Variants in CEP350 observed in about 807,000 individuals in gnomAD.
The protein encoded by CEP350 is centrosomal protein 350, also known as centrosome-associated protein 350.
CEP350 carries 126 observed loss-of-function variants against 331.8 expected under a neutral mutation model. The ratio of observed to expected loss-of-function variants is 0.38; its 90% CI spans 0.33 to 0.44. The LOEUF is 0.44. Among genes scored for constraint, CEP350 ranks in the 20% least tolerant of loss-of-function variants. CEP350 has a pLI of 1.00. For synonymous variants in CEP350, 1,200 were observed against 1,259.5 expected (o/e 0.95, Z 1.00); for missense variants, 3,406 against 3,634.6 (o/e 0.94, Z 1.62).
intron 8 of CEP350, among the ~76,000 whole-genome samples, chr1:180,010,633 A>G (rs896630862): frequency 2.0e-5 from 3 of 147,388 alleles, no homozygotes; most frequent in African/African-American, 7.5e-5. Flanking sequence ...ACAGGATCTC[A>G]CTCAGTGTCC....
At chr1:180,075,326 C>T in intron 28 of CEP350, 105 bp downstream of exon 28, 2 of 1,173,058 alleles carry the variant, frequency 1.7e-6, no homozygotes, top group South Asian at 3.3e-5. Flanking sequence ...GTGGCTCACG[C>T]CTGTAATCCT....
chr1:179,971,497 A>T (rs887693678), intron 1 of CEP350, among the ~76,000 whole-genome samples: 18 of 151,042 alleles, frequency 1.2e-4, no homozygotes, highest in South Asian at 8.4e-4. Context: ...CTAATTAAAA[A>T]TTTTTTTTTG....
At position 180,087,574 on chromosome 1, in the gene CEP350, T is replaced by G. The variant is rs372689727; in HGVS notation, c.6286-4T>G. 6 of 1,538,754 alleles carry G rather than the reference T, an allele frequency of 3.9e-6. No individual in the cohort carries two copies. The African/African-American group carries it at 8.3e-5, about 21-fold the overall frequency. ...AGTGACTCCTCTGGTTTTTCTAAACTTAGTCATATGATGAATTTATTAAGA... is the reference window on the plus strand; with the variant it reads ...AGTGACTCCTCTGGTTTTTCTAAACGTAGTCATATGATGAATTTATTAAGA... On this transcript the variant is annotated splice_polypyrimidine_tract_variant and splice_region_variant and intron_variant, in intron 31 of 37. Transcript: ENST00000367607.
chr1:180,038,466 G>A (rs1656521906), intron 17 of CEP350, among the ~76,000 whole-genome samples: 1 of 152,178 alleles, frequency 6.6e-6, no homozygotes, highest in Non-Finnish European at 1.5e-5. Context: ...CTGCCATACA[G>A]TTTTCCAGAA....
chr1:179,998,652 T>G (rs888276621), intron 6 of CEP350, among the ~76,000 whole-genome samples: 1 of 152,196 alleles, frequency 6.6e-6, no homozygotes, highest in South Asian at 2.1e-4. Context: ...GGGCACTTTT[T>G]TATTGTAATC....
At chr1:180,011,490 A>G (rs1217386647) in intron 8 of CEP350, among the ~76,000 whole-genome samples, 1 of 152,056 alleles carries the variant, frequency 6.6e-6, no homozygotes, top group Non-Finnish European at 1.5e-5. Flanking sequence ...ACCAGGCTGG[A>G]GTGCAGTGGG....
At chr1:180,013,375 T>G (rs1654777152) in intron 9 of CEP350, among the ~76,000 whole-genome samples, 1 of 152,218 alleles carries the variant, frequency 6.6e-6, no homozygotes, top group Admixed American at 6.5e-5. Context: ...ATATGCAGTC[T>G]GGTCTTTGCA....
rs763159691 is a variant in CEP350, at chr1:180,022,768, T to C, written c.3306T>C (p.Ser1102=). 3 of 1,609,454 alleles carry C rather than the reference T, an allele frequency of 1.9e-6. No individual in the cohort carries two copies. The highest frequency in any genetic ancestry group is 2.5e-6 in the Non-Finnish European group (3 of 1,177,624). Residue 1102 remains serine (S), a synonymous_variant, in exon 13 of 38, where the codon AGT becomes AGC. Coordinates refer to ENST00000367607, the MANE Select transcript of CEP350 (RefSeq NM_014810.5). ...TGAATGCCACCGCAACTCCTCTAAG[T>C]GGTGTTTCATATGAAGATGATTTTG... ...RPLNATATPL[S]GVSYEDDFVS...
intron 9 of CEP350, among the ~76,000 whole-genome samples, chr1:180,013,169 A>G (rs890621041): frequency 6.6e-6 from 1 of 152,226 alleles, no homozygotes; most frequent in African/African-American, 2.4e-5. Flanking sequence ...TTTGTTATAC[A>G]GATGTTTAAA....
At chr1:180,015,994 G>A (rs1455764757) in intron 11 of CEP350, 24 bp downstream of exon 11, 1 of 1,609,514 alleles carries the variant, frequency 6.2e-7, no homozygotes, top group African/African-American at 1.3e-5. Flanking sequence ...AATGAAAGAT[G>A]ATTAAGATTC....
Position 180,020,817 on chromosome 1 carries a change from A to G in CEP350, c.3043A>G (p.Lys1015Glu). The change falls in exon 12 of 38, where the codon AAG becomes GAG. Residue 1015 changes from lysine to glutamate, a missense_variant. Around this residue, in one of 5 missense-constraint regions of CEP350, gnomAD observed 1,857 missense variants for 1,909.2 expected, o/e 0.97. Transcript: ENST00000367607. ...LLKVAEILKE[K>E]EFCPGERNSY... is the part of the protein sequence containing the mutation. Reference sequence around the variant, plus strand: ...GAAAGTAGCAGAAATTTTAAAAGAAAAGGAATTTTGTCCTGGAGAAAGAAA... The same window carrying G: ...GAAAGTAGCAGAAATTTTAAAAGAAGAGGAATTTTGTCCTGGAGAAAGAAA... 1.2e-6 allele frequency: 2 copies of G among 1,613,168 alleles called. No homozygotes were observed. Among genetic ancestry groups the G allele is most frequent in the Non-Finnish European group, 1.7e-6 (2 of 1,179,720 alleles).
At chr1:180,086,540 C>CATATATATAT (rs35457934) in intron 31 of CEP350, among the ~76,000 whole-genome samples, 5 of 149,658 alleles carry the variant, frequency 3.3e-5, no homozygotes, top group African/African-American at 1.2e-4. Flanking sequence ...ATGAGATATG[C>CATATATATAT]ATATATATAT....
At chr1:179,991,705 GTGTATA>G (rs1310298797) in intron 4 of CEP350, among the ~76,000 whole-genome samples, 16 of 122,508 alleles carry the variant, frequency 1.3e-4, no homozygotes, top group African/African-American at 4.6e-4. Flanking sequence ...GTGTGTGTGT[GTGTATA>G]TATATATATA....
At chr1:179,986,131 A>T (rs1379439661) in intron 1 of CEP350, 38 bp from the exon 2 acceptor site, 1 of 1,449,098 alleles carries the variant, frequency 6.9e-7, no homozygotes, top group Non-Finnish European at 9.4e-7. Context: ...AAGTAATATT[A>T]TAAGATTGAT....
At chr1:179,986,740 T>C (rs1469627271) in intron 2 of CEP350, among the ~76,000 whole-genome samples, 1 of 152,166 alleles carries the variant, frequency 6.6e-6, no homozygotes, top group Non-Finnish European at 1.5e-5. Flanking sequence ...GAAGTGGAAA[T>C]ACTTATCCTG....
intron 11 of CEP350, 95 bp downstream of exon 11, chr1:180,016,065 A>G: frequency 7.3e-7 from 1 of 1,378,132 alleles, no homozygotes; most frequent in Middle Eastern, 1.8e-4. Context: ...TTTGTGAACA[A>G]GAGGGCAGAG....
Position 180,043,137 on chromosome 1 carries a change from C to T in CEP350, c.4444C>T (p.Arg1482Trp), listed in dbSNP as rs143015799. 1.2e-4 allele frequency: 187 copies of T among 1,613,618 alleles called. No homozygotes were observed. The highest frequency in any genetic ancestry group is 2.2e-4 in the Admixed American group (13 of 59,984). The stretch of plus-strand genomic sequence containing the variant: ...CCTTGCAATACTGTATGACCACCAA[C>T]GGCAGCACCTTCCAGACTTTGTGAA... ...APLAILYDHQ[R>W]QHLPDFVKQL... The change falls in exon 20 of 38, where the codon CGG becomes TGG. Residue 1482 changes from arginine to tryptophan, a missense_variant. Physicochemically the swap from Arg to Trp is moderately radical, Grantham distance 101 (BLOSUM62 -3). This residue lies in a region of CEP350 where 1,857 missense variants were observed against 1,909.2 expected (regional missense o/e 0.97). Transcript: ENST00000367607.
Position 180,094,313 on chromosome 1 carries a change from A to G in CEP350, c.8208A>G (p.Ser2736=), listed in dbSNP as rs1211688154. The change falls in exon 34 of 38, where the codon TCA becomes TCG. Residue 2736 remains serine, a synonymous_variant. Coordinates refer to ENST00000367607, the MANE Select transcript of CEP350 (RefSeq NM_014810.5). The part of the protein sequence containing the change: ...EKNQLEAQLK[S]SLNEEKKSKQ... The stretch of plus-strand genomic sequence containing the variant: ...ACCAACTGGAAGCCCAGCTGAAGTC[A>G]TCACTAAATGAGGAAAAAAAGTCAA... 3.7e-6 allele frequency: 6 copies of G among 1,613,974 alleles called. No homozygotes were observed. Among genetic ancestry groups the G allele is most frequent in the Non-Finnish European group, 4.2e-6 (5 of 1,179,868 alleles).
At chr1:179,985,791 G>A (rs1652606634) in intron 1 of CEP350, among the ~76,000 whole-genome samples, 1 of 152,054 alleles carries the variant, frequency 6.6e-6, no homozygotes, top group African/African-American at 2.4e-5. Context: ...CTTCTACCTG[G>A]TCCCGCCTAT....
Sources: allele counts gnomAD v4.1 joint callset (sites outside exome capture counted in the v4.1 genomes callset), GRCh38; gene constraint gnomAD v4.1.1; regional missense constraint gnomAD v4.1.1; transcripts MANE v1.5; gene names NCBI Gene and HGNC (gene_info 2026-07-23, HGNC 2026-07-21).